Variants in MORC2 observed in about 807,000 individuals in gnomAD.
The protein encoded by MORC2 is ATPase MORC2.
In MORC2, 30 loss-of-function variants were observed where a neutral mutation model predicts 136.0. The observed-to-expected ratio is 0.22, with a 90% CI of 0.17 to 0.30. The LOEUF is 0.30. Among genes scored for constraint, MORC2 ranks in the 10% least tolerant of loss-of-function variants. MORC2 has a pLI of 1.00. For synonymous variants in MORC2, 439 were observed against 487.0 expected, an observed-to-expected ratio of 0.90 and a Z score of 1.30; for missense variants, 922 against 1,333.1, an observed-to-expected ratio of 0.69 and a Z score of 4.80.
intron 1 of MORC2, among the ~76,000 whole-genome samples, chr22:30,960,103 G>C (rs2041021739): frequency 6.6e-6 from 1 of 152,114 alleles, no homozygotes; most frequent in Admixed American, 6.5e-5. Context: ...GAATAGCTGG[G>C]ATTACAGGCA....
Position 30,958,654 on chromosome 22 carries a change from C to G in MORC2, c.109G>C (p.Val37Leu). Residue 37 changes from valine (V) to leucine (L), a missense_variant, in exon 2 of 26, where the codon GTT (valine) becomes CTT (leucine). Val to Leu is a conservative substitution (Grantham distance 32). This residue lies in a region of MORC2 where 57 missense variants were observed against 71.8 expected (regional missense o/e 0.79). Transcript: ENST00000397641. The stretch of plus-strand genomic sequence containing the variant: ...AAGACTACATACCTTGCATTATCAA[C>G]CAGTTCAGCAAGGGCACCAAACAAG... ...EFLFGALAEL[V>L]DNARDADATR... The G allele has an allele frequency of 1.9e-6, 3 of 1,548,912 alleles. No individual in the cohort carries two copies. The highest frequency in any genetic ancestry group is 2.6e-6 in the Non-Finnish European group (3 of 1,145,660).
chr22:30,950,571 C>G lies in MORC2; in HGVS notation c.158-126G>C, dbSNP rs965323975. ...GGTCAGGTCAAGCCTAAACTTTCTA[C>G]GCTGGTGTGAATTAAACTTCAGGGT... On this transcript the variant is annotated intron_variant, in intron 3 of 25. Transcript: ENST00000397641. The G allele has an allele frequency of 1.1e-4, 91 of 854,506 alleles. 1 individual carries two copies. The highest frequency in any genetic ancestry group is 5.0e-5 in the Non-Finnish European group (27 of 537,766). 52.9% of individuals were successfully genotyped at this position (854,506 alleles called of 1,614,324 possible). A position where few individuals can be genotyped will look rare whatever the true frequency, so the allele number is the denominator to read the frequency against.
chr22:30,950,302 TCA>T, intron 4 of MORC2, 73 bp downstream of exon 4: 1 of 1,498,256 alleles, frequency 6.7e-7, no homozygotes, highest in Non-Finnish European at 9.3e-7. Flanking sequence ...AAAAACAAGT[TCA>T]CACAATAAGT....
At chr22:30,947,136 A>G (rs1045180239) in intron 5 of MORC2, among the ~76,000 whole-genome samples, 3 of 152,262 alleles carry the variant, frequency 2.0e-5, no homozygotes, top group Non-Finnish European at 4.4e-5. Flanking sequence ...AACTGGAGCT[A>G]TCTCCTGTCC....
In MORC2 at chr22:30,933,019, G is replaced by A. The variant is rs1254339344; in HGVS notation, c.2392C>T (p.His798Tyr). 1 of 1,614,014 alleles carries A rather than the reference G, an allele frequency of 6.2e-7. No individual in the cohort carries two copies. Among genetic ancestry groups the A allele is most frequent in the Non-Finnish European group, 8.5e-7 (1 of 1,180,022 alleles). ...TCCCTGTTCACACGCACCTCCACGT[G>A]CAGCCCTTTATCTGACAATGTAGAC... ...LKRAQKDKGL[H>Y]VEVRVNREWY... Residue 798 changes from histidine to tyrosine, a missense_variant, in exon 22 of 26, where the codon CAC (histidine) becomes TAC (tyrosine). Physicochemically the swap from His to Tyr is moderately conservative, Grantham distance 83. Coordinates refer to ENST00000397641, the MANE Select transcript of MORC2 (RefSeq NM_001303256.3).
rs1363871034 is a variant in MORC2, at chr22:30,962,710, G to A, written c.69-4016C>T. Among the ~76,000 whole-genome samples the A allele has an allele frequency of 2.0e-5, 3 of 152,038 alleles. No individual in the cohort carries two copies. The South Asian group carries it at 6.2e-4, about 31-fold the overall frequency. ...GTAGCCTTTACAATGTAGCCAAAGG[G>A]TACTTTTGTGATGGCAGTACATATC... is the stretch of plus-strand genomic sequence containing the variant. On this transcript the variant is annotated intron_variant, in intron 1 of 25. Transcript: ENST00000397641.
intron 24 of MORC2, among the ~76,000 whole-genome samples, chr22:30,928,654 A>G (rs560983353): frequency 3.3e-5 from 5 of 152,340 alleles, no homozygotes; most frequent in Admixed American, 2.0e-4. Context: ...CCAACAGCAG[A>G]TATCTCCAGA....
At chr22:30,962,207 CAA>C (rs1161969549) in intron 1 of MORC2, among the ~76,000 whole-genome samples, 13 of 109,040 alleles carry the variant, frequency 1.2e-4, no homozygotes, top group Admixed American at 2.9e-4. Context: ...AACTCCACCT[CAA>C]AAAAAAAAAA....
At chr22:30,931,415 C>T (rs1287711148) in intron 24 of MORC2, among the ~76,000 whole-genome samples, 1 of 152,172 alleles carries the variant, frequency 6.6e-6, no homozygotes, top group Non-Finnish European at 1.5e-5. Flanking sequence ...AATGTGTGGA[C>T]CTCTGCCCTA....
intron 3 of MORC2, among the ~76,000 whole-genome samples, chr22:30,956,122 T>G (rs1010561949): frequency 1.3e-5 from 2 of 151,922 alleles, no homozygotes; most frequent in African/African-American, 4.8e-5. Context: ...CTATTAAAAT[T>G]AATGAGTTAA....
rs562956559 is a variant in MORC2 at position 30,944,500 on chromosome 22, T to G, written c.426+1841A>C. On this transcript the variant is annotated intron_variant, in intron 6 of 25. Transcript: ENST00000397641. ...CCCCGACCTTTAGATATTGACATGC[T>G]CTAGGTCCCAGATCCTCTTCTCACT... Among the ~76,000 whole-genome samples the G allele has an allele frequency of 3.6e-3, 550 of 152,196 alleles. 1 individual carries two copies. Among genetic ancestry groups the G allele is most frequent in the South Asian group, 0.012 (56 of 4,828 alleles).
At chr22:30,946,312 G>A (rs2040814532) in intron 6 of MORC2, 29 bp downstream of exon 6, 1 of 1,560,056 alleles carries the variant, frequency 6.4e-7, no homozygotes, top group Non-Finnish European at 8.8e-7. Flanking sequence ...ATGAGGACTG[G>A]TGATGCAGAC....
At chr22:30,951,653 C>T (rs922407567) in intron 3 of MORC2, among the ~76,000 whole-genome samples, 3 of 152,212 alleles carry the variant, frequency 2.0e-5, no homozygotes, top group Non-Finnish European at 2.9e-5. Flanking sequence ...CTGATGATTT[C>T]GGAATCTCCC....
At chr22:30,943,708 A>G (rs554373401) in intron 6 of MORC2, among the ~76,000 whole-genome samples, 1 of 152,320 alleles carries the variant, frequency 6.6e-6, no homozygotes, top group East Asian at 1.9e-4. Context: ...CAAACTGTTA[A>G]GAGTTCTGAG....
At chr22:30,950,187 T>C (rs965441143) in intron 4 of MORC2, among the ~76,000 whole-genome samples, 190 bp downstream of exon 4, 6 of 152,216 alleles carry the variant, frequency 3.9e-5, no homozygotes, top group African/African-American at 1.4e-4. Flanking sequence ...TCTCCCATGT[T>C]AGGACAAGAC....
chr22:30,959,049 G>A (rs779030672), intron 1 of MORC2, among the ~76,000 whole-genome samples: 14 of 152,204 alleles, frequency 9.2e-5, no homozygotes, highest in Non-Finnish European at 1.9e-4. Context: ...TTAACCAGTG[G>A]TCAGTTTCTG....
chr22:30,965,062 T>A (rs934737800), intron 1 of MORC2, among the ~76,000 whole-genome samples: 1 of 152,230 alleles, frequency 6.6e-6, no homozygotes, highest in Non-Finnish European at 1.5e-5. Context: ...ACTTGACCTG[T>A]CCAAGGACAC....
chr22:30,931,831 A>T (rs2040580058), intron 24 of MORC2, among the ~76,000 whole-genome samples: 1 of 152,238 alleles, frequency 6.6e-6, no homozygotes, highest in Non-Finnish European at 1.5e-5. Context: ...TCTTGAAGGC[A>T]AGACTCTCTT....
Position 30,968,074 on chromosome 22 carries a change from T to G in MORC2, c.-185A>C, listed in dbSNP as rs1393251239. On this transcript the variant is annotated 5_prime_UTR_variant, in exon 1 of 26. Coordinates refer to ENST00000397641, the MANE Select transcript of MORC2 (RefSeq NM_001303256.3). ...TGTTTAAAACTACAATTTCTTCAAG[T>G]GTTTTTTTTTAATCTTCTCAATGAT... 6 of 561,882 alleles carry G rather than the reference T, an allele frequency of 1.1e-5. No individual in the cohort carries two copies. The highest frequency in any genetic ancestry group is 1.9e-5 in the Non-Finnish European group (6 of 315,586). The allele number at this position is 561,882 out of a possible 1,614,324, so 34.8% of individuals were successfully genotyped here.
Sources: gnomAD v4.1 joint callset for allele counts (sites outside exome capture counted in the v4.1 genomes callset) on GRCh38, gnomAD v4.1.1 for gene constraint, gnomAD v4.1.1 regional missense constraint, MANE v1.5 for transcripts, NCBI Gene and HGNC (gene_info 2026-07-23, HGNC 2026-07-21) for gene names.